IRS2: variants seen among roughly 807,000 people sequenced by gnomAD.
IRS2 encodes the protein insulin receptor substrate 2.
IRS2 carries 28 observed loss-of-function variants against 70.9 expected under a neutral mutation model. The observed-to-expected ratio is 0.39, with a 90% CI of 0.29 to 0.54. The LOEUF (loss-of-function observed/expected upper bound fraction) is 0.54, where lower values mean the gene tolerates loss of function less well. Ranked by LOEUF, IRS2 falls within the 20% of genes least tolerant of loss-of-function variation. IRS2 has a pLI of 0.59. For missense variants in IRS2, 2,081 were observed against 2,024.1 expected, an observed-to-expected ratio of 1.03 and a Z score of -0.54; for synonymous variants, 1,217 against 981.9, an observed-to-expected ratio of 1.24 and a Z score of -4.48.
chr13:109,763,310 T>C (rs1440507077), intron 1 of IRS2, among the ~76,000 whole-genome samples: 1 of 152,264 alleles, frequency 6.6e-6, no homozygotes, highest in Non-Finnish European at 1.5e-5. Flanking sequence ...AATGCAATAC[T>C]ATCTACTAAA....
chr13:109,762,584 T>G (rs894795134), intron 1 of IRS2, among the ~76,000 whole-genome samples: 4 of 152,066 alleles, frequency 2.6e-5, no homozygotes, highest in Non-Finnish European at 5.9e-5. Flanking sequence ...TATAAAACTC[T>G]CCTCGAAGGA....
chr13:109,784,882 C>T lies in IRS2; in HGVS notation c.1172G>A (p.Ser391Asn). The change falls in exon 1 of 2, where the codon AGC (serine) becomes AAC (asparagine). Residue 391 changes from serine (S) to asparagine (N), a missense_variant. Coordinates refer to ENST00000375856, the MANE Select transcript of IRS2 (RefSeq NM_003749.3). This position sits in a 1 kb window ranked among gnomAD's most constrained non-coding sequence, Gnocchi z 5.2. ...CAGGGGCGCGCGCACCGGCCCGGGG[C>T]TCAGGGGGCTCCCAGCCACCGACAC... The part of the protein sequence containing the change: ...RPVSVAGSPL[S>N]PGPVRAPLSR... The T allele has an allele frequency of 9.1e-7, 1 of 1,100,448 alleles. No homozygotes were observed. The highest frequency in any genetic ancestry group is 1.1e-6 in the Non-Finnish European group (1 of 902,388). The allele number at this position is 1,100,448 out of a possible 1,614,324, so 68.2% of individuals were successfully genotyped here.
intron 1 of IRS2, among the ~76,000 whole-genome samples, chr13:109,765,985 G>A (rs879084460): frequency 2.4e-4 from 6 of 25,256 alleles, no homozygotes; most frequent in Non-Finnish European, 4.3e-4. Flanking sequence ...CCCTGGCTCC[G>A]ACTCCCCACC....
chr13:109,753,750 T>A lies in IRS2; in HGVS notation c.*2554A>T, dbSNP rs571487792. ...TATCCAAGTATTTTTAGGAGCCTAGTATTTCCTCACTTACTCCCAAACTCT... is the reference window on the plus strand; with the variant it reads ...TATCCAAGTATTTTTAGGAGCCTAGAATTTCCTCACTTACTCCCAAACTCT... On this transcript the variant is annotated 3_prime_UTR_variant, in exon 2 of 2. Transcript: ENST00000375856. The A allele has an allele frequency of 2.6e-5, 5 of 194,982 alleles. No individual in the cohort carries two copies. Among genetic ancestry groups the A allele is most frequent in the African/African-American group, 4.6e-5 (2 of 43,340 alleles). The allele number at this position is 194,982 out of a possible 1,614,324, so 12.1% of individuals were successfully genotyped here.
chr13:109,773,271 A>G (rs1877498836), intron 1 of IRS2, among the ~76,000 whole-genome samples: 1 of 152,228 alleles, frequency 6.6e-6, no homozygotes, highest in Admixed American at 6.5e-5. Context: ...CCACCTAGCA[A>G]CAACTGATTA....
In IRS2 at chr13:109,755,755, C is replaced by T. The variant is rs749223030; in HGVS notation, c.*549G>A. ...TCTACTTGGACCATTTCAATAAGGCCGAGGACCGCGCTCCAGACACACAGC... is the reference window on the plus strand; with the variant it reads ...TCTACTTGGACCATTTCAATAAGGCTGAGGACCGCGCTCCAGACACACAGC... On this transcript the variant is annotated 3_prime_UTR_variant, in exon 2 of 2. Coordinates refer to ENST00000375856, the MANE Select transcript of IRS2 (RefSeq NM_003749.3). 4.8e-6 allele frequency: 1 copy of T among 208,196 alleles called. No individual in the cohort carries two copies. The allele number at this position is 208,196 out of a possible 1,614,324, so 12.9% of individuals were successfully genotyped here.
chr13:109,781,522 A>C (rs761217312), intron 1 of IRS2, among the ~76,000 whole-genome samples: 8 of 152,240 alleles, frequency 5.3e-5, no homozygotes, highest in Non-Finnish European at 8.8e-5. Flanking sequence ...AGCAGCCATC[A>C]AAATGGATGC....
chr13:109,757,252 T>C (rs554671660), intron 1 of IRS2, among the ~76,000 whole-genome samples: 2 of 152,346 alleles, frequency 1.3e-5, no homozygotes, highest in African/African-American at 2.4e-5. Context: ...CAAAATGACA[T>C]ACTGTTCATT....
intron 1 of IRS2, among the ~76,000 whole-genome samples, chr13:109,781,198 G>C (rs940426172): frequency 6.6e-5 from 10 of 152,112 alleles, no homozygotes; most frequent in Admixed American, 1.3e-4. Flanking sequence ...CCCCAGGTGA[G>C]TCTCACCTGG....
rs1199735238 is a variant in IRS2, at chr13:109,771,406, T to C, written c.4012+10636A>G. Among the ~76,000 whole-genome samples, 5 of 152,338 alleles carry C rather than the reference T, an allele frequency of 3.3e-5. No individual in the cohort carries two copies. The East Asian group carries it at 9.6e-4, about 29-fold the overall frequency. On this transcript the variant is annotated intron_variant, in intron 1 of 1. Coordinates refer to ENST00000375856, the MANE Select transcript of IRS2 (RefSeq NM_003749.3). ...TAAATTTACAATCCTGGATTTATAATACTTTAAAAGAGAAAAAGAGATTTG... is the reference window on the plus strand; with the variant it reads ...TAAATTTACAATCCTGGATTTATAACACTTTAAAAGAGAAAAAGAGATTTG...
intron 1 of IRS2, among the ~76,000 whole-genome samples, chr13:109,772,210 C>G (rs919174259): frequency 1.3e-5 from 2 of 152,184 alleles, no homozygotes; most frequent in Non-Finnish European, 2.9e-5. Flanking sequence ...TGGTCCCTGA[C>G]TTCAGTCCCT....
In IRS2 at chr13:109,780,502, G is replaced by A. The variant is rs192193237; in HGVS notation, c.4012+1540C>T. 1.1e-4 allele frequency among the ~76,000 whole-genome samples: 17 copies of A among 152,182 alleles called. No homozygotes were observed. In the East Asian group the frequency reaches 3.1e-3, roughly 28 times the overall value. ...TGTGACTCTTCATCTTCTAGTATAC[G>A]GTTTTAATAAAGGAAATAGCTTTTC... On this transcript the variant is annotated intron_variant, in intron 1 of 1. Transcript: ENST00000375856.
chr13:109,782,625 G>GC lies in IRS2; in HGVS notation c.3428dup (p.Arg1144ProfsTer181). On this transcript the variant is annotated frameshift_variant, in exon 1 of 2. Transcript: ENST00000375856. LOFTEE classifies it high-confidence loss of function. ...AGGTCTCGGAACTGTGGCGGCGGCGGCCCCCCTGCGGGTCTGCGCGGATGA... is the reference window on the plus strand; with the variant it reads ...AGGTCTCGGAACTGTGGCGGCGGCGGCCCCCCCTGCGGGTCTGCGCGGATGA... 1.3e-6 allele frequency: 2 copies of GC among 1,574,154 alleles called. No homozygotes were observed. The highest frequency in any genetic ancestry group is 8.6e-7 in the Non-Finnish European group (1 of 1,161,654).
At position 109,785,265 on chromosome 13, in the gene IRS2, G is replaced by A. The variant is rs749701390; in HGVS notation, c.789C>T (p.Ala263=). Residue 263 remains alanine (A), a synonymous_variant, in exon 1 of 2, where the codon GCC becomes GCT. Transcript: ENST00000375856. This position sits in a 1 kb window ranked among gnomAD's most constrained non-coding sequence, Gnocchi z 9.3. ...SFFFIEVGRS[A]VTGPGELWMQ... Reference sequence around the variant, plus strand: ...TCCACAGCTCGCCGGGGCCTGTGACGGCCGAGCGGCCCACCTCGATGAAGA... The same window carrying A: ...TCCACAGCTCGCCGGGGCCTGTGACAGCCGAGCGGCCCACCTCGATGAAGA... 1.2e-6 allele frequency: 2 copies of A among 1,607,088 alleles called. No homozygotes were observed. The highest frequency in any genetic ancestry group is 1.7e-6 in the Non-Finnish European group (2 of 1,177,592).
chr13:109,754,852 A>G lies in IRS2; in HGVS notation c.*1452T>C, dbSNP rs1420576524. ...ATTTATATATATTTTTCTAAAAACA[A>G]AACAAAACAAAACCAACAACTTACA... On this transcript the variant is annotated 3_prime_UTR_variant, in exon 2 of 2. Coordinates refer to ENST00000375856, the MANE Select transcript of IRS2 (RefSeq NM_003749.3). 5.0e-6 allele frequency: 1 copy of G among 200,176 alleles called. No homozygotes were observed. The highest frequency in any genetic ancestry group is 2.3e-5 in the African/African-American group (1 of 43,526). 12.4% of individuals were successfully genotyped at this position (200,176 alleles called of 1,614,324 possible).
In IRS2 at chr13:109,764,072, G is replaced by A. The variant is rs1340532170; in HGVS notation, c.4013-7764C>T. The stretch of plus-strand genomic sequence containing the variant: ...TAGCCTTTAACTGAGCCATCTACTA[G>A]AGTCAAGGTTGAAGGGTCAAATCCT... On this transcript the variant is annotated intron_variant, in intron 1 of 1. Transcript: ENST00000375856. Among the ~76,000 whole-genome samples the A allele has an allele frequency of 2.0e-5, 3 of 152,292 alleles. No individual in the cohort carries two copies. In the East Asian group the frequency reaches 5.8e-4, roughly 29 times the overall value.
chr13:109,779,999 C>T (rs1419910390), intron 1 of IRS2, among the ~76,000 whole-genome samples: 3 of 152,272 alleles, frequency 2.0e-5, no homozygotes, highest in Non-Finnish European at 1.5e-5. Context: ...CTGAATGTAT[C>T]GGCTTCATCA....
At position 109,755,214 on chromosome 13, in the gene IRS2, C is replaced by CTTTTTTTTTTTTTTTTTTTTTTTTTTTT. The variant is rs375324802; in HGVS notation, c.*1089_*1090insAAAAAAAAAAAAAAAAAAAAAAAAAAAA. Reference sequence around the variant, plus strand: ...CTCTTTTTATCAGTTTCTTTCTTTCCTTTTTTTTTTTTCTTTTTGTTTTTT... The same window carrying CTTTTTTTTTTTTTTTTTTTTTTTTTTTT: ...CTCTTTTTATCAGTTTCTTTCTTTCCTTTTTTTTTTTTTTTTTTTTTTTTTTTTTTTTTTTTTTTTCTTTTTGTTTTTT... On this transcript the variant is annotated 3_prime_UTR_variant, in exon 2 of 2. Transcript: ENST00000375856. 1 of 194,036 alleles carries CTTTTTTTTTTTTTTTTTTTTTTTTTTTT rather than the reference C, an allele frequency of 5.2e-6. No individual in the cohort carries two copies. Among genetic ancestry groups the CTTTTTTTTTTTTTTTTTTTTTTTTTTTT allele is most frequent in the East Asian group, 8.0e-5 (1 of 12,480 alleles). The allele number at this position is 194,036 out of a possible 1,614,324, so 12.0% of individuals were successfully genotyped here. A position where few individuals can be genotyped will look rare whatever the true frequency, so the allele number is the denominator to read the frequency against.
Position 109,755,233 on chromosome 13 carries a change from G to T in IRS2, c.*1071C>A, listed in dbSNP as rs200724120. ...TCTTTCCTTTTTTTTTTTTCTTTTT[G>T]TTTTTTTTGTTCAGGGCAGCCTCAC... On this transcript the variant is annotated 3_prime_UTR_variant, in exon 2 of 2. Coordinates refer to ENST00000375856, the MANE Select transcript of IRS2 (RefSeq NM_003749.3). 1,428 of 204,256 alleles carry T rather than the reference G, an allele frequency of 7.0e-3. No homozygotes were observed. The highest frequency in any genetic ancestry group is 9.8e-3 in the African/African-American group (387 of 39,290). 12.7% of individuals were successfully genotyped at this position (204,256 alleles called of 1,614,324 possible).
Sources: allele counts gnomAD v4.1 joint callset (sites outside exome capture counted in the v4.1 genomes callset), GRCh38; gene constraint gnomAD v4.1.1; non-coding constraint Gnocchi (gnomAD v3.1); transcripts MANE v1.5; gene names NCBI Gene and HGNC (gene_info 2026-07-23, HGNC 2026-07-21).